STIM1: variants seen among roughly 807,000 people sequenced by gnomAD.
The protein encoded by STIM1 is stromal interaction molecule 1.
Under a neutral mutation model 74.7 loss-of-function variants are expected in STIM1, and 25 were observed. The observed-to-expected ratio is 0.33, with a 90% CI of 0.24 to 0.47. STIM1 has a LOEUF of 0.47. STIM1 is among the 20% of genes least tolerant of loss of function. The pLI is 1.00. For synonymous variants in STIM1, 328 were observed against 348.8 expected (o/e 0.94, Z 0.66); for missense variants, 728 against 920.8 (o/e 0.79, Z 2.71).
intron 2 of STIM1, among the ~76,000 whole-genome samples, chr11:4,003,791 C>T (rs11030584): frequency 0.77 from 116,602 of 152,024 alleles, 45,837 homozygotes; most frequent in South Asian, 0.9. Context: ...AAAGAGGAAG[C>T]CAAATTGTCC....
At chr11:4,056,414 A>C (rs1565162472) in intron 4 of STIM1, among the ~76,000 whole-genome samples, 1 of 152,206 alleles carries the variant, frequency 6.6e-6, no homozygotes, top group Non-Finnish European at 1.5e-5. Context: ...CATCCAACAA[A>C]TATTTACTGG....
intron 6 of STIM1, 97 bp downstream of exon 6, chr11:4,070,300 T>C: frequency 1.4e-6 from 2 of 1,394,484 alleles, no homozygotes; most frequent in Non-Finnish European, 2.0e-6. Context: ...TGAGACCTTG[T>C]CAGCATGGCA....
At chr11:3,936,726 G>A (rs1444486006) in intron 1 of STIM1, among the ~76,000 whole-genome samples, 1 of 152,206 alleles carries the variant, frequency 6.6e-6, no homozygotes, top group South Asian at 2.1e-4. Context: ...ATAGTCTGGA[G>A]ATGGAGAGTG....
At chr11:3,994,620 C>G (rs1028986457) in intron 2 of STIM1, among the ~76,000 whole-genome samples, 3 of 151,824 alleles carry the variant, frequency 2.0e-5, no homozygotes, top group African/African-American at 7.3e-5. Context: ...CCACCACACC[C>G]GGCTAATTTT....
chr11:3,941,806 C>A (rs973019643), intron 1 of STIM1, among the ~76,000 whole-genome samples: 2 of 151,788 alleles, frequency 1.3e-5, no homozygotes, highest in African/African-American at 2.4e-5. Context: ...CCCACCTCAG[C>A]CTCCTGAGTA....
intron 8 of STIM1, 124 bp from the exon 9 acceptor site, chr11:4,082,758 C>T: frequency 1.3e-6 from 1 of 765,772 alleles, no homozygotes; most frequent in East Asian, 2.6e-5. Flanking sequence ...TCTTTCTCTT[C>T]CCTTTCCTTG....
chr11:3,946,473 G>A (rs56043160), intron 1 of STIM1, among the ~76,000 whole-genome samples: 2 of 152,098 alleles, frequency 1.3e-5, no homozygotes, highest in Non-Finnish European at 2.9e-5. Context: ...ATTTGGCCTA[G>A]GACAAAGAAA....
In STIM1 at chr11:4,033,525, A is replaced by G. The variant is rs796948462; in HGVS notation, c.385+9538A>G. On this transcript the variant is annotated intron_variant, in intron 3 of 12. Coordinates refer to ENST00000526596, the MANE Select transcript of STIM1 (RefSeq NM_001382567.1). ...GCTTTTTTTTTCTTTTTCTTGCCTG[A>G]TTGCCTTGGATAGTATTTCTAGTAC... Among the ~76,000 whole-genome samples the G allele has an allele frequency of 1.9e-4, 28 of 149,694 alleles. 1 individual carries two copies. Among genetic ancestry groups the G allele is most frequent in the African/African-American group, 6.9e-4 (28 of 40,664 alleles).
chr11:3,947,866 G>A (rs1474525333), intron 1 of STIM1: 2 of 152,160 alleles, frequency 1.3e-5, no homozygotes, highest in Non-Finnish European at 2.9e-5. Flanking sequence ...TTTTATTGAG[G>A]ATAATAAAAG....
intron 12 of STIM1, among the ~76,000 whole-genome samples, chr11:4,089,858 C>T (rs1035115289): frequency 6.6e-6 from 1 of 152,112 alleles, no homozygotes; most frequent in Non-Finnish European, 1.5e-5. Flanking sequence ...TAAACATTTC[C>T]CTTAGGTCTC....
intron 2 of STIM1, among the ~76,000 whole-genome samples, chr11:3,991,643 T>C (rs998936696): frequency 1.3e-5 from 2 of 151,940 alleles, no homozygotes; most frequent in Admixed American, 6.6e-5. Context: ...TTTTTAGTAC[T>C]CTTAGAAATC....
rs145230842 is a variant in STIM1 at position 4,091,159 on chromosome 11, C to T, written c.1635-123C>T. 127 of 1,360,232 alleles carry T rather than the reference C, an allele frequency of 9.3e-5. No individual in the cohort carries two copies. In the African/African-American group the frequency reaches 1.7e-3, roughly 18 times the overall value. 84.3% of individuals were successfully genotyped at this position (1,360,232 alleles called of 1,614,324 possible). ...TTCATCCTATTTCTCTCTCCTGCCG[C>T]TCTATCCCCATTTTCCTACCCTGTC... On this transcript the variant is annotated intron_variant, in intron 12 of 12. Transcript: ENST00000526596.
chr11:3,918,018 T>C (rs1394958485), intron 1 of STIM1, among the ~76,000 whole-genome samples: 1 of 152,208 alleles, frequency 6.6e-6, no homozygotes, highest in Non-Finnish European at 1.5e-5. Context: ...AGAGGGACTT[T>C]ATTGACTGAG....
chr11:3,892,765 A>C lies in STIM1; in HGVS notation c.139+36356A>C, dbSNP rs2091936252. On this transcript the variant is annotated intron_variant, in intron 1 of 12. Transcript: ENST00000526596. ...CCTTATAACCAAATCCTTTCTCTCC[A>C]GTGCTCAGAGCACGAAAGTTTTCTG... is the stretch of plus-strand genomic sequence containing the variant. 6.8e-6 allele frequency: 11 copies of C among 1,613,120 alleles called. No individual in the cohort carries two copies. The Admixed American group carries it at 1.3e-4, about 20-fold the overall frequency.
At chr11:3,990,741 T>C (rs1410568030) in intron 2 of STIM1, among the ~76,000 whole-genome samples, 1 of 152,254 alleles carries the variant, frequency 6.6e-6, no homozygotes, top group Non-Finnish European at 1.5e-5. Flanking sequence ...TGGTTATTTG[T>C]ATATCTTCTT....
chr11:4,009,420 C>T (rs935825429), intron 2 of STIM1, among the ~76,000 whole-genome samples: 1 of 152,018 alleles, frequency 6.6e-6, no homozygotes, highest in African/African-American at 2.4e-5. Context: ...CGAGACTAGC[C>T]TGGCCAACAT....
intron 7 of STIM1, among the ~76,000 whole-genome samples, chr11:4,078,968 A>C (rs999900787): frequency 3.5e-4 from 54 of 152,314 alleles, no homozygotes; most frequent in African/African-American, 1.3e-3. Context: ...TAAAACTGAG[A>C]ACATTAAAAA....
chr11:3,990,370 A>G (rs2093599341), intron 2 of STIM1, among the ~76,000 whole-genome samples: 2 of 152,204 alleles, frequency 1.3e-5, no homozygotes, highest in South Asian at 2.1e-4. Context: ...AACTGCTGCT[A>G]TAGACATGTA....
intron 10 of STIM1, 60 bp from the exon 11 acceptor site, chr11:4,084,613 A>G (rs1467329500): frequency 4.0e-6 from 5 of 1,251,852 alleles, no homozygotes; most frequent in Non-Finnish European, 5.2e-6. Flanking sequence ...CATTGATGGC[A>G]GGCCGAAGCC....
Sources: gnomAD v4.1 joint callset for allele counts (sites outside exome capture counted in the v4.1 genomes callset) on GRCh38, gnomAD v4.1.1 for gene constraint, MANE v1.5 for transcripts, NCBI Gene and HGNC (gene_info 2026-07-23, HGNC 2026-07-21) for gene names.